The following DNER variants were observed in gnomAD, a reference collection of about 807,000 sequenced individuals.
The protein encoded by DNER is delta and Notch-like epidermal growth factor-related receptor.
Under a neutral mutation model 78.2 loss-of-function variants are expected in DNER, and 33 were observed. The observed-to-expected ratio is 0.42, with a 90% CI of 0.32 to 0.56. DNER has a LOEUF of 0.56. Ranked by LOEUF, DNER falls within the 20% of genes least tolerant of loss-of-function variation. The pLI is 0.11. For missense variants in DNER, 918 were observed against 975.3 expected, an observed-to-expected ratio of 0.94 and a Z score of 0.78; for synonymous variants, 417 against 384.8, an observed-to-expected ratio of 1.08 and a Z score of -0.98.
intron 7 of DNER, among the ~76,000 whole-genome samples, chr2:229,461,169 A>AT (rs1278971674): frequency 1.3e-5 from 2 of 151,970 alleles, no homozygotes; most frequent in Non-Finnish European, 2.9e-5. Context: ...CATTCACTCT[A>AT]TTTTCTCCTT....
intron 1 of DNER, among the ~76,000 whole-genome samples, chr2:229,602,399 G>A (rs1279047947): frequency 6.6e-6 from 1 of 152,134 alleles, no homozygotes; most frequent in African/African-American, 2.4e-5. Context: ...GTGAAAGGTA[G>A]AACAGTTTCT....
chr2:229,542,367 T>A (rs1026807981), intron 5 of DNER, among the ~76,000 whole-genome samples: 2 of 152,136 alleles, frequency 1.3e-5, no homozygotes, highest in South Asian at 2.1e-4. Context: ...AATACTGCAA[T>A]ATCAAGAACA....
intron 1 of DNER, among the ~76,000 whole-genome samples, chr2:229,629,686 C>T (rs1014989574): frequency 1.3e-5 from 2 of 152,184 alleles, no homozygotes; most frequent in Non-Finnish European, 2.9e-5. Context: ...AATTTTGATT[C>T]ATTTACCCTG....
At chr2:229,534,987 C>G (rs1696375302) in intron 5 of DNER, among the ~76,000 whole-genome samples, 1 of 152,080 alleles carries the variant, frequency 6.6e-6, no homozygotes, top group East Asian at 1.9e-4. Context: ...AGGCACCCAC[C>G]ACCATGCCCA....
intron 6 of DNER, among the ~76,000 whole-genome samples, chr2:229,497,792 A>G (rs1695529170): frequency 6.6e-6 from 1 of 152,198 alleles, no homozygotes; most frequent in Admixed American, 6.5e-5. Context: ...ACAGACCAAG[A>G]ATGAGTAAAA....
intron 1 of DNER, among the ~76,000 whole-genome samples, chr2:229,630,465 G>A (rs988465956): frequency 2.8e-5 from 4 of 144,256 alleles, no homozygotes; most frequent in Admixed American, 7.0e-5. Context: ...GACAGAGTGA[G>A]AGACTCCATC....
chr2:229,407,330 A>G lies in DNER; in HGVS notation c.1625T>C (p.Leu542Ser), dbSNP rs758145964. The change falls in exon 10 of 13, where the codon TTG (leucine) becomes TCG (serine). Residue 542 changes from leucine (L) to serine (S), a missense_variant. By Grantham distance (145) the Leu-to-Ser change is moderately radical. Coordinates refer to ENST00000341772, the MANE Select transcript of DNER (RefSeq NM_139072.4). ...GACGTTAGCGCAGGGATCCTTGTACAATTCACAGTGTGTTCCTGCAGAGAA... is the reference window on the plus strand; with the variant it reads ...GACGTTAGCGCAGGGATCCTTGTACGATTCACAGTGTGTTCCTGCAGAGAA... ...LAEYKGTHCE[L>S]YKDPCANVSC... is the part of the protein sequence containing the mutation. 1 of 1,613,244 alleles carries G rather than the reference A, an allele frequency of 6.2e-7. No homozygotes were observed. Among genetic ancestry groups the G allele is most frequent in the Non-Finnish European group, 8.5e-7 (1 of 1,179,358 alleles).
At chr2:229,509,392 A>G (rs1013236323) in intron 6 of DNER, among the ~76,000 whole-genome samples, 2 of 152,200 alleles carry the variant, frequency 1.3e-5, no homozygotes, top group African/African-American at 4.8e-5. Context: ...CTACATTTAT[A>G]CTCTTTCATT....
chr2:229,681,262 G>A (rs1483801089), intron 1 of DNER, among the ~76,000 whole-genome samples: 1 of 152,200 alleles, frequency 6.6e-6, no homozygotes, highest in Non-Finnish European at 1.5e-5. Flanking sequence ...AGCTGAGCTA[G>A]AAAAGGACAT....
intron 5 of DNER, among the ~76,000 whole-genome samples, chr2:229,522,512 G>GA (rs1014602308): frequency 5.9e-5 from 9 of 152,084 alleles, no homozygotes; most frequent in Non-Finnish European, 8.8e-5. Flanking sequence ...GAATTTCCCT[G>GA]AAAAAAGAGC....
At chr2:229,499,853 G>C (rs1289452262) in intron 6 of DNER, among the ~76,000 whole-genome samples, 1 of 151,368 alleles carries the variant, frequency 6.6e-6, no homozygotes, top group African/African-American at 2.4e-5. Flanking sequence ...AATATATAAG[G>C]TATTCAAACA....
At chr2:229,369,185 A>G (rs533599078) in intron 11 of DNER, among the ~76,000 whole-genome samples, 25 of 152,074 alleles carry the variant, frequency 1.6e-4, no homozygotes, top group Admixed American at 1.1e-3. Flanking sequence ...AAAACTTTTT[A>G]ACTTTCTAAA....
chr2:229,562,457 T>A (rs945785854), intron 4 of DNER, among the ~76,000 whole-genome samples: 14 of 152,214 alleles, frequency 9.2e-5, no homozygotes, highest in African/African-American at 3.1e-4. Context: ...CATATAAACA[T>A]GTATATTCTA....
At chr2:229,609,946 T>A (rs536462471) in intron 1 of DNER, among the ~76,000 whole-genome samples, 4 of 152,368 alleles carry the variant, frequency 2.6e-5, no homozygotes, top group African/African-American at 9.6e-5. Context: ...ATATTCAGAA[T>A]GTGAAATTTT....
chr2:229,549,681 G>T (rs1696692856), intron 4 of DNER, among the ~76,000 whole-genome samples: 2 of 152,110 alleles, frequency 1.3e-5, no homozygotes, highest in Non-Finnish European at 2.9e-5. Flanking sequence ...GGAGGCAGAA[G>T]CGCGTGGATC....
chr2:229,505,540 G>A (rs1165968775), intron 6 of DNER, among the ~76,000 whole-genome samples: 1 of 152,174 alleles, frequency 6.6e-6, no homozygotes, highest in Non-Finnish European at 1.5e-5. Flanking sequence ...AGAGGCAGGG[G>A]TGACCTTTGG....
intron 1 of DNER, among the ~76,000 whole-genome samples, chr2:229,701,038 A>T (rs1351820702): frequency 6.6e-6 from 1 of 152,272 alleles, no homozygotes; most frequent in Non-Finnish European, 1.5e-5. Flanking sequence ...ATATGCTTAT[A>T]CATACCAAGA....
intron 12 of DNER, 47 bp from the exon 13 acceptor site, chr2:229,358,698 A>C: frequency 1.8e-4 from 270 of 1,486,700 alleles, no homozygotes; most frequent in Non-Finnish European, 2.2e-4. Flanking sequence ...ACTAGATCTC[A>C]AGTTTAATTA....
intron 11 of DNER, among the ~76,000 whole-genome samples, chr2:229,382,534 A>C (rs559923472): frequency 6.6e-6 from 1 of 152,206 alleles, no homozygotes; most frequent in East Asian, 1.9e-4. Flanking sequence ...AGGTTAGATG[A>C]ATTGCTAACT....
Sources: allele counts gnomAD v4.1 joint callset (sites outside exome capture counted in the v4.1 genomes callset), GRCh38; gene constraint gnomAD v4.1.1; transcripts MANE v1.5; gene names NCBI Gene and HGNC (gene_info 2026-07-23, HGNC 2026-07-21).